The following SIPA1L3 variants were observed in gnomAD, a reference collection of about 807,000 sequenced individuals.
The protein encoded by SIPA1L3 is signal-induced proliferation-associated 1-like protein 3.
Under a neutral mutation model 150.1 loss-of-function variants are expected in SIPA1L3, and 59 were observed. The observed-to-expected ratio is 0.39, with a 90% CI of 0.32 to 0.49. The LOEUF (loss-of-function observed/expected upper bound fraction) is 0.49. Ranked by LOEUF, SIPA1L3 falls within the 20% of genes least tolerant of loss-of-function variation. The pLI is 0.86. For missense variants in SIPA1L3, 2,211 were observed against 2,489.5 expected, an observed-to-expected ratio of 0.89 and a Z score of 2.38; for synonymous variants, 1,070 against 1,077.6, an observed-to-expected ratio of 0.99 and a Z score of 0.14.
At chr19:37,992,222 C>T (rs1368398832) in intron 1 of SIPA1L3, among the ~76,000 whole-genome samples, 1 of 152,182 alleles carries the variant, frequency 6.6e-6, no homozygotes, top group Non-Finnish European at 1.5e-5. Context: ...GAGTAGGTAC[C>T]TGGGGAGTAT....
intron 10 of SIPA1L3, among the ~76,000 whole-genome samples, chr19:38,140,509 C>T (rs947696971): frequency 2.6e-5 from 4 of 152,136 alleles, no homozygotes; most frequent in Admixed American, 6.6e-5. Context: ...TGAGGACATC[C>T]GCCTTTCTGG....
chr19:38,073,920 G>T (rs1021650115), intron 2 of SIPA1L3, among the ~76,000 whole-genome samples: 6 of 152,234 alleles, frequency 3.9e-5, no homozygotes, highest in Non-Finnish European at 5.9e-5. Context: ...TTCTGCCAAA[G>T]ATACACAACA....
At chr19:38,024,422 G>C (rs1193365494) in intron 1 of SIPA1L3, among the ~76,000 whole-genome samples, 2 of 152,110 alleles carry the variant, frequency 1.3e-5, no homozygotes, top group African/African-American at 4.8e-5. Flanking sequence ...GGTGAGATGA[G>C]GGTGTGGGGC....
Position 38,046,148 on chromosome 19 carries a change from T to C in SIPA1L3, c.-311+16992T>C, listed in dbSNP as rs371480691. Among the ~76,000 whole-genome samples, 9 of 152,026 alleles carry C rather than the reference T, an allele frequency of 5.9e-5. No homozygotes were observed. The East Asian group carries it at 1.8e-3, about 30-fold the overall frequency. On this transcript the variant is annotated intron_variant, in intron 2 of 21. Coordinates refer to ENST00000222345, the MANE Select transcript of SIPA1L3 (RefSeq NM_015073.3). This position sits in a 1 kb window ranked among gnomAD's most constrained non-coding sequence, Gnocchi z 5.6. ...CGGCGGGGTTGAGAGGAGCTTTCTA[T>C]AGACGAGAAGGTGCCCTGGTTCTCG...
chr19:38,087,058 A>G (rs1168991388), intron 3 of SIPA1L3, among the ~76,000 whole-genome samples: 1 of 152,142 alleles, frequency 6.6e-6, no homozygotes, highest in Non-Finnish European at 1.5e-5. Context: ...TGCTAAACTG[A>G]CTTAGCGCAG....
At chr19:38,053,821 C>T (rs1308759508) in intron 2 of SIPA1L3, among the ~76,000 whole-genome samples, 2 of 152,030 alleles carry the variant, frequency 1.3e-5, no homozygotes, top group African/African-American at 4.8e-5. Flanking sequence ...TCGCCGTGGC[C>T]TCCCACAGTG....
chr19:38,082,810 C>A lies in SIPA1L3; in HGVS notation c.1245C>A (p.Leu415=). The A allele has an allele frequency of 6.2e-7, 1 of 1,613,652 alleles. No individual in the cohort carries two copies. Among genetic ancestry groups the A allele is most frequent in the Non-Finnish European group, 8.5e-7 (1 of 1,179,930 alleles). Residue 415 remains leucine (L), a synonymous_variant, in exon 3 of 22, where the codon CTC becomes CTA. Coordinates refer to ENST00000222345, the MANE Select transcript of SIPA1L3 (RefSeq NM_015073.3). The stretch of plus-strand genomic sequence containing the variant: ...GCAAGGAGAACTTGGAGCAGGACCT[C>A]GGCGATGACAACAGCAACGACCTGC... ...LNCKENLEQD[L]GDDNSNDLLL... is the part of the protein sequence containing the mutation.
intron 1 of SIPA1L3, among the ~76,000 whole-genome samples, chr19:37,937,934 C>T (rs1250139222): frequency 6.6e-6 from 1 of 151,554 alleles, no homozygotes; most frequent in Non-Finnish European, 1.5e-5. Flanking sequence ...GTAGTCCCAG[C>T]TACTGAGGAG....
intron 10 of SIPA1L3, among the ~76,000 whole-genome samples, chr19:38,140,347 G>T (rs1971546778): frequency 6.6e-6 from 1 of 152,102 alleles, no homozygotes; most frequent in Admixed American, 6.5e-5. Flanking sequence ...CCTGGTCTAG[G>T]GGGAGTCACA....
At chr19:38,169,489 C>T in intron 15 of SIPA1L3, among the ~76,000 whole-genome samples, 1 of 152,122 alleles carries the variant, frequency 6.6e-6, no homozygotes, top group East Asian at 1.9e-4. Context: ...TACCCCCAGG[C>T]AAGTAACTGA....
chr19:38,205,665 G>C (rs1269779794), intron 21 of SIPA1L3, among the ~76,000 whole-genome samples: 1 of 152,166 alleles, frequency 6.6e-6, no homozygotes, highest in Non-Finnish European at 1.5e-5. Context: ...CCTCCTGGAA[G>C]AAGGGGGTCT....
chr19:37,981,422 C>CA (rs774199467), intron 1 of SIPA1L3, among the ~76,000 whole-genome samples: 6,574 of 72,364 alleles, frequency 0.091, 182 homozygotes, highest in East Asian at 0.18. Context: ...GACCCTGTCT[C>CA]AAAAAAAAAA....
rs1970017369 is a variant in SIPA1L3 at position 38,082,458 on chromosome 19, A to G, written c.893A>G (p.Asp298Gly). ...GGCCTCGGCGGCGGGGACACGGTGG[A>G]CTCGTCCATCTTTCGGAAGCTAAGG... is the stretch of plus-strand genomic sequence containing the variant. ...ARGLGGGDTV[D>G]SSIFRKLRSS... is the part of the protein sequence containing the mutation. Residue 298 changes from aspartate (D) to glycine (G), a missense_variant, in exon 3 of 22, where the codon GAC becomes GGC. Asp to Gly is a moderately conservative substitution (Grantham distance 94, BLOSUM62 -1). Transcript: ENST00000222345. The G allele has an allele frequency of 1.3e-6, 2 of 1,589,382 alleles. No individual in the cohort carries two copies. Among genetic ancestry groups the G allele is most frequent in the Non-Finnish European group, 1.7e-6 (2 of 1,168,700 alleles).
At position 37,950,210 on chromosome 19, in the gene SIPA1L3, A is replaced by T. The variant is rs561221450; in HGVS notation, c.-379+42852A>T. 4.6e-5 allele frequency among the ~76,000 whole-genome samples: 7 copies of T among 152,102 alleles called. No individual in the cohort carries two copies. In the South Asian group the frequency reaches 1.5e-3, roughly 32 times the overall value. ...CAGTTTTCTCACCTGTAAAATGAGG[A>T]TGCTAAAGCCTTTTACTTCAGGGTG... On this transcript the variant is annotated intron_variant, in intron 1 of 21. Transcript: ENST00000222345.
chr19:37,982,643 G>A (rs1967231092), intron 1 of SIPA1L3, among the ~76,000 whole-genome samples: 1 of 152,192 alleles, frequency 6.6e-6, no homozygotes, highest in Non-Finnish European at 1.5e-5. Context: ...CCATGTAAAT[G>A]GCTCCAGCTT....
intron 15 of SIPA1L3, among the ~76,000 whole-genome samples, chr19:38,165,706 A>G (rs1972193589): frequency 6.6e-6 from 1 of 152,042 alleles, no homozygotes; most frequent in South Asian, 2.1e-4. Context: ...GCTGGCCCCC[A>G]CCCAGAGTTT....
chr19:38,148,090 A>G (rs1971739119), intron 12 of SIPA1L3, among the ~76,000 whole-genome samples: 1 of 151,618 alleles, frequency 6.6e-6, no homozygotes, highest in Non-Finnish European at 1.5e-5. Context: ...CGGTGGCTCA[A>G]GCCTGTAATC....
intron 1 of SIPA1L3, among the ~76,000 whole-genome samples, chr19:37,940,316 A>G (rs1042844020): frequency 4.6e-5 from 7 of 151,918 alleles, no homozygotes; most frequent in Non-Finnish European, 1.0e-4. Flanking sequence ...AAAACAAAAA[A>G]AAAGCTTTAC....
chr19:38,126,198 C>CA (rs201841133), intron 9 of SIPA1L3, among the ~76,000 whole-genome samples: 4,254 of 151,378 alleles, frequency 0.028, 198 homozygotes, highest in African/African-American at 0.098. Context: ...AAAACAAAAA[C>CA]AAAACAAAAC....
Sources: gnomAD v4.1 joint callset for allele counts (sites outside exome capture counted in the v4.1 genomes callset) on GRCh38, gnomAD v4.1.1 for gene constraint, Gnocchi (gnomAD v3.1) non-coding constraint, MANE v1.5 for transcripts, NCBI Gene and HGNC (gene_info 2026-07-23, HGNC 2026-07-21) for gene names.